The following DNMT3A variants were observed in gnomAD, a reference collection of about 807,000 sequenced individuals.
The protein encoded by DNMT3A is DNA (cytosine-5)-methyltransferase 3A.
Under a neutral mutation model 117.6 loss-of-function variants are expected in DNMT3A, and 267 were observed. The observed-to-expected ratio is 2.27, with a 90% CI of 2.05 to 2.51. The LOEUF is 2.51. DNMT3A is among the 30% of genes most tolerant of loss of function. The pLI is 0.00. For missense variants in DNMT3A, 1,029 were observed against 1,260.2 expected (o/e 0.82, Z 2.78); for synonymous variants, 432 against 474.8 (o/e 0.91, Z 1.17).
At chr2:25,341,386 CG>C (rs1335101042) in intron 1 of DNMT3A, among the ~76,000 whole-genome samples, 3 of 145,354 alleles carry the variant, frequency 2.1e-5, no homozygotes, top group Non-Finnish European at 4.6e-5. Flanking sequence ...GGGCTCCAGG[CG>C]GGGCCGCGGG....
rs1021478025 is a variant in DNMT3A at position 25,233,463 on chromosome 2, A to G, written c.*816T>C. On this transcript the variant is annotated 3_prime_UTR_variant, in exon 23 of 23. Transcript: ENST00000321117. ...GTAGTTAACAGTACCTTTTATATATATATCTCATATCTATCATATATATAT... is the reference window on the plus strand; with the variant it reads ...GTAGTTAACAGTACCTTTTATATATGTATCTCATATCTATCATATATATAT... 8.6e-6 allele frequency: 2 copies of G among 233,468 alleles called. No individual in the cohort carries two copies. The highest frequency in any genetic ancestry group is 6.0e-5 in the East Asian group (1 of 16,654). 14.5% of individuals were successfully genotyped at this position (233,468 alleles called of 1,614,324 possible).
At chr2:25,249,341 C>T (rs1012163320) in intron 6 of DNMT3A, among the ~76,000 whole-genome samples, 16 of 152,290 alleles carry the variant, frequency 1.1e-4, no homozygotes, top group Admixed American at 4.6e-4. Context: ...TGTCTGCTGA[C>T]GAAGAAATCA....
chr2:25,278,036 C>CAA (rs1163235261), intron 4 of DNMT3A, among the ~76,000 whole-genome samples: 1,137 of 47,768 alleles, frequency 0.024, 22 homozygotes, highest in African/African-American at 0.056. Context: ...CACACACACA[C>CAA]ACAGACACAC....
At chr2:25,235,429 C>T (rs1345426561) in intron 22 of DNMT3A, among the ~76,000 whole-genome samples, 1 of 152,186 alleles carries the variant, frequency 6.6e-6, no homozygotes, top group Non-Finnish European at 1.5e-5. Flanking sequence ...AGGTGATCCA[C>T]CCGCCTCGGC....
intron 12 of DNMT3A, 91 bp from the exon 13 acceptor site, chr2:25,245,423 AGG>A (rs1206320487): frequency 8.2e-7 from 1 of 1,219,822 alleles, no homozygotes; most frequent in East Asian, 2.4e-5. Context: ...GCCACAAAAA[AGG>A]GGTGTGCCAG....
intron 6 of DNMT3A, among the ~76,000 whole-genome samples, chr2:25,249,174 T>C (rs1242619029): frequency 6.6e-6 from 1 of 152,186 alleles, no homozygotes; most frequent in African/African-American, 2.4e-5. Flanking sequence ...GGAGGATCAC[T>C]TGAGCCCAGG....
In DNMT3A at chr2:25,339,798, C is replaced by T. The variant is rs546800420; in HGVS notation, c.-178+2028G>A. ...AGGGTCCCCGGGATGCCTGGCCCCC[C>T]AAATCCCACAGGCCAGTCCTAACAC... On this transcript the variant is annotated intron_variant, in intron 1 of 22. Transcript: ENST00000321117. This position sits in a 1 kb window ranked among gnomAD's most constrained non-coding sequence, Gnocchi z 4.9. 1.3e-5 allele frequency among the ~76,000 whole-genome samples: 2 copies of T among 152,220 alleles called. No individual in the cohort carries two copies. Among genetic ancestry groups the T allele is most frequent in the Non-Finnish European group, 2.9e-5 (2 of 68,030 alleles).
At chr2:25,284,532 A>C (rs1408173098) in intron 3 of DNMT3A, among the ~76,000 whole-genome samples, 1 of 151,530 alleles carries the variant, frequency 6.6e-6, no homozygotes, top group Non-Finnish European at 1.5e-5. Flanking sequence ...CTGTCATCTC[A>C]GCTATTTGGG....
chr2:25,243,861 C>T, intron 16 of DNMT3A, 37 bp downstream of exon 16: 1 of 1,551,086 alleles, frequency 6.4e-7, no homozygotes, highest in Non-Finnish European at 8.7e-7. Context: ...CATCCTGGGA[C>T]AAGGCGGCCA....
At chr2:25,253,372 A>T (rs185094190) in intron 6 of DNMT3A, among the ~76,000 whole-genome samples, 3 of 152,216 alleles carry the variant, frequency 2.0e-5, no homozygotes, top group African/African-American at 7.2e-5. Flanking sequence ...ATGTAAAGGT[A>T]ACTATGCCAC....
chr2:25,241,606 T>A lies in DNMT3A; in HGVS notation c.2038A>T (p.Lys680Ter). ...CGGACGTCCCCGACGTACATGATCT[T>A]CCCCTGGTGCCGCACCATGCCCACC... ...ITVGMVRHQG[K>*]IMYVGDVRSV... The change falls in exon 17 of 23, where the codon AAG (lysine) becomes TAG (stop). Residue 680 changes from lysine (K) to a stop codon, truncating the protein, a stop_gained. Coordinates refer to ENST00000321117, the MANE Select transcript of DNMT3A (RefSeq NM_022552.5). LOFTEE classifies it high-confidence loss of function. 1 of 1,613,158 alleles carries A rather than the reference T, an allele frequency of 6.2e-7. No individual in the cohort carries two copies. Among genetic ancestry groups the A allele is most frequent in the Non-Finnish European group, 8.5e-7 (1 of 1,179,664 alleles).
At chr2:25,287,277 G>C (rs1450343998) in intron 3 of DNMT3A, among the ~76,000 whole-genome samples, 1 of 151,924 alleles carries the variant, frequency 6.6e-6, no homozygotes. Flanking sequence ...TTTCAGAATG[G>C]GAAAAGCCGC....
chr2:25,279,382 C>T (rs1028243985), intron 4 of DNMT3A, among the ~76,000 whole-genome samples: 2 of 152,296 alleles, frequency 1.3e-5, no homozygotes, highest in Non-Finnish European at 1.5e-5. Flanking sequence ...AGACCACGGC[C>T]GAGCCACATC....
intron 16 of DNMT3A, among the ~76,000 whole-genome samples, chr2:25,243,271 C>G (rs1042401153): frequency 6.6e-6 from 1 of 150,502 alleles, no homozygotes; most frequent in Non-Finnish European, 1.5e-5. Flanking sequence ...CACCACTGCA[C>G]TCCAGCCTGG....
At position 25,252,263 on chromosome 2, in the gene DNMT3A, TAGC is replaced by T; in HGVS notation, c.640-4014_640-4012del. The T allele has an allele frequency of 2.1e-6, 3 of 1,409,882 alleles. No individual in the cohort carries two copies. The highest frequency in any genetic ancestry group is 2.8e-6 in the Non-Finnish European group (3 of 1,071,440). 87.3% of individuals were successfully genotyped at this position (1,409,882 alleles called of 1,614,324 possible). On this transcript the variant is annotated intron_variant, in intron 6 of 22. Transcript: ENST00000321117. The surrounding 1 kb of genome is among the most constrained non-coding windows in gnomAD (Gnocchi z 5.5). ...AGCCGCGGCCCTGAAGCTCTGGAAG[TAGC>T]TGCCCGTCTTGGGGGAGGGGAAGGG...
intron 3 of DNMT3A, among the ~76,000 whole-genome samples, chr2:25,283,032 T>C (rs1207052504): frequency 6.6e-6 from 1 of 152,032 alleles, no homozygotes; most frequent in African/African-American, 2.4e-5. Context: ...TGAGGTTACA[T>C]AGGACGTCCA....
At chr2:25,341,990 C>T (rs1286238022), upstream of DNMT3A, 24 of 950,758 alleles carry the variant, frequency 2.5e-5, no homozygotes, top group Non-Finnish European at 3.0e-5. Flanking sequence ...CGCTCGCTGT[C>T]GCGCTCCCTC....
chr2:25,278,581 T>A (rs1480411381), intron 4 of DNMT3A, among the ~76,000 whole-genome samples: 1 of 152,240 alleles, frequency 6.6e-6, no homozygotes, highest in African/African-American at 2.4e-5. Context: ...ATCTCAGCAC[T>A]TTGGAAGGCC....
At chr2:25,312,949 C>A (rs1021221216) in intron 2 of DNMT3A, among the ~76,000 whole-genome samples, 1 of 152,116 alleles carries the variant, frequency 6.6e-6, no homozygotes, top group African/African-American at 2.4e-5. Context: ...GCAGCACAAC[C>A]CCCAGCGCTA....
Sources: gnomAD v4.1 joint callset for allele counts (sites outside exome capture counted in the v4.1 genomes callset) on GRCh38, gnomAD v4.1.1 for gene constraint, Gnocchi (gnomAD v3.1) non-coding constraint, MANE v1.5 for transcripts, NCBI Gene and HGNC (gene_info 2026-07-23, HGNC 2026-07-21) for gene names.